Variants in PEPD observed in about 807,000 individuals in gnomAD.
The protein encoded by PEPD is peptidase D, also known as xaa-Pro dipeptidase.
Under a neutral mutation model 60.7 loss-of-function variants are expected in PEPD, and 53 were observed. The observed-to-expected ratio is 0.87, with a 90% CI of 0.70 to 1.10. The LOEUF is 1.10. Ranked by LOEUF, PEPD falls within the 50% of genes least tolerant of loss-of-function variation. The pLI is 0.00. For missense variants in PEPD, 711 were observed against 711.9 expected, an observed-to-expected ratio of 1.00 and a Z score of 0.01; for synonymous variants, 267 against 284.1, an observed-to-expected ratio of 0.94 and a Z score of 0.60.
chr19:33,426,152 A>G (rs1173542806), intron 9 of PEPD, among the ~76,000 whole-genome samples: 1 of 152,036 alleles, frequency 6.6e-6, no homozygotes, highest in Non-Finnish European at 1.5e-5. Flanking sequence ...CATGTTTGGC[A>G]GAGGATCTCA....
intron 10 of PEPD, among the ~76,000 whole-genome samples, chr19:33,412,270 C>T (rs1479117086): frequency 6.6e-6 from 1 of 152,168 alleles, no homozygotes; most frequent in Non-Finnish European, 1.5e-5. Context: ...TCACCTGAGC[C>T]TGGGAAGTGG....
intron 7 of PEPD, among the ~76,000 whole-genome samples, chr19:33,466,984 C>T (rs1970030975): frequency 1.3e-5 from 2 of 151,804 alleles, no homozygotes; most frequent in South Asian, 4.2e-4. Flanking sequence ...GGTGAAACCC[C>T]ATCTCTACTA....
chr19:33,428,566 C>T (rs1969201723), intron 9 of PEPD, among the ~76,000 whole-genome samples: 1 of 152,216 alleles, frequency 6.6e-6, no homozygotes, highest in African/African-American at 2.4e-5. Context: ...CAGTTACCAT[C>T]CAAAACCACC....
At chr19:33,511,654 G>A (rs1299355935) in intron 2 of PEPD, 3 of 212,196 alleles carry the variant, frequency 1.4e-5, no homozygotes, top group African/African-American at 6.8e-5. Context: ...ACGTCATAAA[G>A]GTATGGTGGA....
At chr19:33,424,216 C>G (rs1370640728) in intron 9 of PEPD, among the ~76,000 whole-genome samples, 1 of 152,172 alleles carries the variant, frequency 6.6e-6, no homozygotes, top group Non-Finnish European at 1.5e-5. Context: ...CTACTGATTC[C>G]CAGGAAGAAG....
chr19:33,490,233 G>A (rs1487691340), intron 5 of PEPD, among the ~76,000 whole-genome samples, 176 bp from the exon 6 acceptor site: 1 of 152,220 alleles, frequency 6.6e-6, no homozygotes, highest in Non-Finnish European at 1.5e-5. Flanking sequence ...CACAAGGACA[G>A]ACCTCTTTGC....
Position 33,512,843 on chromosome 19 carries a change from G to C in PEPD, c.18-67C>G, listed in dbSNP as rs1970955549. 2.5e-6 allele frequency: 4 copies of C among 1,574,148 alleles called. No individual in the cohort carries two copies. In the South Asian group the frequency reaches 3.3e-5, roughly 13 times the overall value. On this transcript the variant is annotated intron_variant, in intron 1 of 14. Coordinates refer to ENST00000244137, the MANE Select transcript of PEPD (RefSeq NM_000285.4). The stretch of plus-strand genomic sequence containing the variant: ...AGCATCTCCAAGCATGCCCACACCT[G>C]AGGTCGGGGTGACCGGAGGCCCGAG...
chr19:33,398,848 G>A (rs1368313661), intron 12 of PEPD, among the ~76,000 whole-genome samples: 1 of 152,172 alleles, frequency 6.6e-6, no homozygotes, highest in African/African-American at 2.4e-5. Flanking sequence ...TTTCACAGGC[G>A]CACGGGAATT....
At chr19:33,425,136 G>A (rs1969113828) in intron 9 of PEPD, among the ~76,000 whole-genome samples, 1 of 152,178 alleles carries the variant, frequency 6.6e-6, no homozygotes, top group African/African-American at 2.4e-5. Flanking sequence ...TTGGGAGGCC[G>A]AGGCGGGTGG....
intron 9 of PEPD, among the ~76,000 whole-genome samples, chr19:33,422,996 C>T (rs1336037301): frequency 6.6e-6 from 1 of 152,132 alleles, no homozygotes; most frequent in African/African-American, 2.4e-5. Flanking sequence ...TGTCTACCTA[C>T]CTACCTATCG....
intron 3 of PEPD, among the ~76,000 whole-genome samples, chr19:33,508,426 C>T (rs781720997): frequency 1.4e-4 from 21 of 150,334 alleles, no homozygotes; most frequent in Admixed American, 8.0e-4. Context: ...CCAGTTACAA[C>T]GGCTGGGGAA....
intron 9 of PEPD, among the ~76,000 whole-genome samples, chr19:33,447,030 C>T (rs1445713495): frequency 6.6e-6 from 1 of 152,246 alleles, no homozygotes; most frequent in African/African-American, 2.4e-5. Flanking sequence ...GAACTGCGGT[C>T]ACCTTGGGCT....
chr19:33,403,524 CAAACATTCCAG>C (rs1436821914), intron 11 of PEPD, among the ~76,000 whole-genome samples: 1 of 152,224 alleles, frequency 6.6e-6, no homozygotes, highest in Non-Finnish European at 1.5e-5. Context: ...AACCACTCCA[CAAACATTCCAG>C]AAGCTGCCTG....
chr19:33,505,193 T>C (rs141183250), intron 3 of PEPD, among the ~76,000 whole-genome samples: 2 of 152,216 alleles, frequency 1.3e-5, no homozygotes, highest in African/African-American at 4.8e-5. Flanking sequence ...TCACCATCCA[T>C]TTCCCGCGGC....
chr19:33,434,257 T>C (rs187210408), intron 9 of PEPD, among the ~76,000 whole-genome samples: 204 of 152,256 alleles, frequency 1.3e-3, no homozygotes, highest in African/African-American at 4.7e-3. Flanking sequence ...ATACACAGGC[T>C]TGGCATCTCC....
chr19:33,506,164 C>T (rs561946281), intron 3 of PEPD, among the ~76,000 whole-genome samples: 49 of 148,268 alleles, frequency 3.3e-4, no homozygotes, highest in African/African-American at 1.1e-3. Flanking sequence ...ACACCCACCA[C>T]ACCCTACACA....
At chr19:33,506,027 TAC>T (rs1491563871) in intron 3 of PEPD, among the ~76,000 whole-genome samples, 4 of 114,672 alleles carry the variant, frequency 3.5e-5, no homozygotes, top group Admixed American at 2.7e-4. Context: ...CCCTACACAC[TAC>T]ACACACAACA....
intron 9 of PEPD, among the ~76,000 whole-genome samples, chr19:33,442,901 T>C (rs1969511322): frequency 6.6e-6 from 1 of 152,194 alleles, no homozygotes; most frequent in African/African-American, 2.4e-5. Flanking sequence ...GGCTGTCCAC[T>C]GGCTCTCCCC....
intron 4 of PEPD, among the ~76,000 whole-genome samples, chr19:33,499,031 G>A (rs1970661206): frequency 1.3e-5 from 2 of 152,196 alleles, no homozygotes; most frequent in African/African-American, 4.8e-5. Context: ...GCCAAGGAGA[G>A]GGTCGGAAGG....
Sources: allele counts gnomAD v4.1 joint callset (sites outside exome capture counted in the v4.1 genomes callset), GRCh38; gene constraint gnomAD v4.1.1; transcripts MANE v1.5; gene names NCBI Gene and HGNC (gene_info 2026-07-23, HGNC 2026-07-21).